MTA3: variants seen among roughly 807,000 people sequenced by gnomAD.
MTA3 encodes the protein metastasis associated 1 family member 3, also known as metastasis-associated protein MTA3.
A neutral mutation model predicts 83.5 loss-of-function variants in MTA3; 34 were observed. The observed-to-expected ratio is 0.41, with a 90% CI of 0.31 to 0.54. The LOEUF (loss-of-function observed/expected upper bound fraction) is 0.54, where lower values mean the gene tolerates loss of function less well. MTA3 is among the 20% of genes least tolerant of loss of function. MTA3 has a pLI of 0.33. For missense variants in MTA3, 761 were observed against 726.4 expected, an observed-to-expected ratio of 1.05 and a Z score of -0.55; for synonymous variants, 303 against 252.7, an observed-to-expected ratio of 1.20 and a Z score of -1.89.
intron 16 of MTA3, among the ~76,000 whole-genome samples, chr2:42,750,902 C>T (rs1269382374): frequency 6.6e-6 from 1 of 152,204 alleles, no homozygotes; most frequent in Admixed American, 6.5e-5. Flanking sequence ...GAGCCTTTAA[C>T]TCCTCTTCCT....
chr2:42,510,242 C>T (rs1558404746), intron 2 of MTA3, among the ~76,000 whole-genome samples: 1 of 150,656 alleles, frequency 6.6e-6, no homozygotes, highest in Non-Finnish European at 1.5e-5. Flanking sequence ...AGGAGAATCG[C>T]TTGAACCCAG....
chr2:42,694,082 C>T (rs1044762304), intron 9 of MTA3, among the ~76,000 whole-genome samples: 39 of 152,092 alleles, frequency 2.6e-4, no homozygotes, highest in Admixed American at 2.0e-4. Context: ...GGGGGCCTCA[C>T]GACTCTGCCT....
At chr2:42,556,286 C>T (rs1390801445) in intron 2 of MTA3, among the ~76,000 whole-genome samples, 1 of 152,106 alleles carries the variant, frequency 6.6e-6, no homozygotes, top group Non-Finnish European at 1.5e-5. Context: ...AGAGAGGAAG[C>T]TGGGAGCTGA....
chr2:42,687,125 T>C (rs1463121574), intron 9 of MTA3, among the ~76,000 whole-genome samples: 5 of 152,132 alleles, frequency 3.3e-5, no homozygotes, highest in Admixed American at 3.3e-4. Flanking sequence ...AGACTCTGTC[T>C]CCACAAACAA....
chr2:42,528,511 C>T (rs1346501898), intron 2 of MTA3, among the ~76,000 whole-genome samples: 1 of 152,112 alleles, frequency 6.6e-6, no homozygotes, highest in East Asian at 1.9e-4. Context: ...TGAGCCACCG[C>T]GCCTGGACGG....
chr2:42,564,187 C>G (rs570857786), upstream of MTA3, among the ~76,000 whole-genome samples: 1 of 152,278 alleles, frequency 6.6e-6, no homozygotes, highest in South Asian at 2.1e-4. Context: ...AGGTTAACCA[C>G]CCAGAGGCTC....
intron 8 of MTA3, among the ~76,000 whole-genome samples, chr2:42,663,652 C>A (rs1327730353): frequency 4.6e-5 from 7 of 152,096 alleles, no homozygotes; most frequent in Admixed American, 3.9e-4. Flanking sequence ...GTAGTTCCAA[C>A]TATTCGTGAG....
Position 42,746,094 on chromosome 2 carries a change from G to C in MTA3, c.1760-7280G>C, listed in dbSNP as rs1384364460. Among the ~76,000 whole-genome samples, 3 of 152,124 alleles carry C rather than the reference G, an allele frequency of 2.0e-5. No homozygotes were observed. The East Asian group carries it at 5.8e-4, about 29-fold the overall frequency. On this transcript the variant is annotated intron_variant, in intron 16 of 16. Transcript: ENST00000405094. The stretch of plus-strand genomic sequence containing the variant: ...CCTAAAGTGCTGGGATTACAGGCGT[G>C]AGCCACTGCGCCCTGCCAAAATGGT...
intron 14 of MTA3, among the ~76,000 whole-genome samples, chr2:42,713,737 C>G (rs1666811663): frequency 6.6e-6 from 1 of 152,080 alleles, no homozygotes. Context: ...CTTAACATAC[C>G]GTGCCACTGT....
upstream of MTA3, among the ~76,000 whole-genome samples, chr2:42,565,060 G>A (rs761599449): frequency 3.7e-4 from 56 of 152,140 alleles, no homozygotes; most frequent in Admixed American, 1.0e-3. Context: ...ACAGGTGTGA[G>A]CCACCGCGCT....
At chr2:42,618,091 C>T (rs1685123299) in intron 4 of MTA3, among the ~76,000 whole-genome samples, 1 of 151,968 alleles carries the variant, frequency 6.6e-6, no homozygotes, top group Non-Finnish European at 1.5e-5. Context: ...ACTGCAAGTG[C>T]ACACTACCAT....
intron 14 of MTA3, among the ~76,000 whole-genome samples, chr2:42,712,226 A>G (rs1400075601): frequency 6.6e-6 from 1 of 152,158 alleles, no homozygotes; most frequent in Non-Finnish European, 1.5e-5. Flanking sequence ...AAGAGTAATG[A>G]CATCTGAGGT....
intron 3 of MTA3, among the ~76,000 whole-genome samples, chr2:42,606,538 C>T (rs1209903197): frequency 2.7e-5 from 4 of 146,308 alleles, no homozygotes; most frequent in African/African-American, 5.2e-5. Flanking sequence ...TGGGAAGAGG[C>T]GCTCCTCACT....
intron 6 of MTA3, among the ~76,000 whole-genome samples, chr2:42,653,748 A>T (rs1688921717): frequency 6.6e-6 from 1 of 152,240 alleles, no homozygotes; most frequent in African/African-American, 2.4e-5. Context: ...TATGGGTGGA[A>T]TTAAAATTTG....
intron 3 of MTA3, chr2:42,581,896 G>A (rs1320604697): frequency 1.7e-5 from 3 of 174,182 alleles, no homozygotes; most frequent in Non-Finnish European, 2.4e-5. Flanking sequence ...CTCCTGAGTA[G>A]CTGGGATTAC....
intron 15 of MTA3, among the ~76,000 whole-genome samples, chr2:42,722,424 G>A (rs928827567): frequency 6.6e-6 from 1 of 152,152 alleles, no homozygotes; most frequent in Non-Finnish European, 1.5e-5. Flanking sequence ...CCCATACTCT[G>A]TCTGGTTGCA....
Position 42,738,177 on chromosome 2 carries a change from G to C in MTA3, c.1759+15142G>C, listed in dbSNP as rs184625838. 1.9e-3 allele frequency among the ~76,000 whole-genome samples: 296 copies of C among 152,256 alleles called. 1 individual carries two copies. Among genetic ancestry groups the C allele is most frequent in the African/African-American group, 6.7e-3 (279 of 41,548 alleles). ...CTCGGGAGGCTGAGGTGGGAGGGTG[G>C]ATTGAGACTGGGAGGTCGGAGCTGC... On this transcript the variant is annotated intron_variant, in intron 16 of 16. Transcript: ENST00000405094.
At chr2:42,698,879 A>G (rs1488949032) in intron 11 of MTA3, among the ~76,000 whole-genome samples, 1 of 152,170 alleles carries the variant, frequency 6.6e-6, no homozygotes, top group Non-Finnish European at 1.5e-5. Flanking sequence ...GTAATAGCCC[A>G]TCTGCAGAGT....
rs1212037304 is a variant in MTA3 at position 42,525,625 on chromosome 2, ACTTTCTTT to A, written c.-141+30388_-141+30395del. ...TCCTTTCCTTCCTTCCTTCCTTCCT[ACTTTCTTT>A]CTTTCTTTCTTTCTTTTTTTCCTTC... On this transcript the variant is annotated intron_variant, in intron 2 of 17. Transcript: ENST00000405592. Among the ~76,000 whole-genome samples, 19 of 109,668 alleles carry A rather than the reference ACTTTCTTT, an allele frequency of 1.7e-4. 1 individual carries two copies. In the Admixed American group the frequency reaches 1.8e-3, roughly 10 times the overall value. The allele number at this position is 109,668 out of a possible 152,430, so 71.9% of individuals were successfully genotyped here.
Sources: gnomAD v4.1 joint callset for allele counts (sites outside exome capture counted in the v4.1 genomes callset) on GRCh38, gnomAD v4.1.1 for gene constraint, MANE v1.5 for transcripts, NCBI Gene and HGNC (gene_info 2026-07-23, HGNC 2026-07-21) for gene names.